ABCC12: variants seen among roughly 807,000 people sequenced by gnomAD.
The protein encoded by ABCC12 is ATP binding cassette subfamily C member 12, also known as ATP-binding cassette sub-family C member 12.
In ABCC12, 142 loss-of-function variants were observed where a neutral mutation model predicts 151.1. The ratio of observed to expected loss-of-function variants is 0.94; its 90% CI spans 0.82 to 1.08. The LOEUF (loss-of-function observed/expected upper bound fraction) is 1.08. ABCC12 is among the 50% of genes least tolerant of loss of function. The probability of loss-of-function intolerance (pLI) is 0.00; values close to 1 mark genes in which losing one functional copy is unlikely to be tolerated. For synonymous variants in ABCC12, 645 were observed against 646.4 expected, an observed-to-expected ratio of 1.00 and a Z score of 0.03; for missense variants, 1,638 against 1,691.1, an observed-to-expected ratio of 0.97 and a Z score of 0.55.
At position 48,088,034 on chromosome 16, in the gene ABCC12, C is replaced by T; in HGVS notation, c.3527G>A (p.Gly1176Asp). 23 of 1,614,180 alleles carry T rather than the reference C, an allele frequency of 1.4e-5. No homozygotes were observed. The highest frequency in any genetic ancestry group is 1.9e-5 in the Non-Finnish European group (23 of 1,180,006). The change falls in exon 27 of 31, where the codon GGC (glycine) becomes GAC (aspartate). Residue 1176 changes from glycine (G) to aspartate (D), a missense_variant. By Grantham distance (94) the Gly-to-Asp change is moderately conservative. Coordinates refer to ENST00000311303, the MANE Select transcript of ABCC12 (RefSeq NM_001393797.1). ...ALFRLVEPAS[G>D]TIFIDEVDIC... The stretch of plus-strand genomic sequence containing the variant: ...ATCCACCTCATCAATAAAGATTGTG[C>T]CACTGGCTGGCTCCACCAGACGAAA...
chr16:48,133,441 G>C (rs1964498259), intron 9 of ABCC12, among the ~76,000 whole-genome samples: 1 of 151,546 alleles, frequency 6.6e-6, no homozygotes, highest in South Asian at 2.1e-4. Context: ...CAGAAGAATT[G>C]CTTGAACCCA....
intron 6 of ABCC12, 128 bp from the exon 7 acceptor site, chr16:48,139,464 G>A (rs1315796573): frequency 2.0e-6 from 2 of 987,452 alleles, no homozygotes; most frequent in African/African-American, 1.6e-5. Flanking sequence ...GCAGGAAGGG[G>A]TCACCGGGGA....
At position 48,084,077 on chromosome 16, in the gene ABCC12, T is replaced by G. The variant is rs374923473; in HGVS notation, c.3829-4A>C. On this transcript the variant is annotated splice_polypyrimidine_tract_variant and splice_region_variant and intron_variant, in intron 29 of 30. Transcript: ENST00000311303. ...TGGCTTCATCAAGGAGAATGATCTG[T>G]GGAGGAGGAAACATTATAAGCCAAA... 1.9e-6 allele frequency: 3 copies of G among 1,603,480 alleles called. No individual in the cohort carries two copies. Among genetic ancestry groups the G allele is most frequent in the Non-Finnish European group, 2.5e-6 (3 of 1,177,574 alleles).
chr16:48,118,396 C>G (rs890548904), intron 13 of ABCC12, among the ~76,000 whole-genome samples: 3 of 152,252 alleles, frequency 2.0e-5, no homozygotes, highest in Admixed American at 2.0e-4. Flanking sequence ...AACTCCTGCT[C>G]AGGATGCCTG....
At chr16:48,103,765 G>A (rs780189865) in intron 22 of ABCC12, among the ~76,000 whole-genome samples, 3 of 152,158 alleles carry the variant, frequency 2.0e-5, no homozygotes, top group East Asian at 1.9e-4. Flanking sequence ...GGGAACCCCC[G>A]CCCCGACACT....
In ABCC12 at chr16:48,143,947, A is replaced by G. The variant is rs764013786; in HGVS notation, c.238T>C (p.Leu80=). 27 of 1,614,064 alleles carry G rather than the reference A, an allele frequency of 1.7e-5. No homozygotes were observed. Among genetic ancestry groups the G allele is most frequent in the Admixed American group, 6.7e-5 (4 of 60,010 alleles). Residue 80 remains leucine, a synonymous_variant, in exon 4 of 31, where the codon TTG becomes CTG. Coordinates refer to ENST00000311303, the MANE Select transcript of ABCC12 (RefSeq NM_001393797.1). ...QRLTVDTLPP[L]STYDSSDTNA... Reference sequence around the variant, plus strand: ...GTGTCAGATGAGTCATATGTCGACAATGGGGGCAGGGTGTCTACGGTCAGC... The same window carrying G: ...GTGTCAGATGAGTCATATGTCGACAGTGGGGGCAGGGTGTCTACGGTCAGC...
intron 22 of ABCC12, among the ~76,000 whole-genome samples, chr16:48,102,063 C>T (rs932939635): frequency 1.3e-5 from 2 of 152,160 alleles, no homozygotes; most frequent in Non-Finnish European, 2.9e-5. Context: ...AAAATGAAAA[C>T]CCCAACTTTC....
intron 15 of ABCC12, 138 bp downstream of exon 15, chr16:48,115,277 T>C: frequency 9.9e-7 from 1 of 1,005,446 alleles, no homozygotes; most frequent in Non-Finnish European, 1.5e-6. Flanking sequence ...GAATCATGAG[T>C]GTCTCTTGCA....
At chr16:48,121,005 A>G (rs1964049115) in intron 13 of ABCC12, among the ~76,000 whole-genome samples, 2 of 152,230 alleles carry the variant, frequency 1.3e-5, no homozygotes, top group African/African-American at 2.4e-5. Context: ...TATATAATAC[A>G]TTAAAATTTA....
intron 18 of ABCC12, 78 bp from the exon 19 acceptor site, chr16:48,108,607 G>T: frequency 1.8e-6 from 2 of 1,124,962 alleles, no homozygotes; most frequent in South Asian, 1.3e-5. Flanking sequence ...CCCCTCCACA[G>T]ACTCCACAAC....
intron 14 of ABCC12, 83 bp downstream of exon 14, chr16:48,117,178 G>A: frequency 7.4e-7 from 1 of 1,345,758 alleles, no homozygotes; most frequent in East Asian, 2.5e-5. Flanking sequence ...TGTGGAACAG[G>A]GGCTTGCTGG....
intron 20 of ABCC12, 150 bp downstream of exon 20, chr16:48,107,172 G>A (rs1225881178): frequency 1.5e-5 from 11 of 750,642 alleles, no homozygotes; most frequent in Non-Finnish European, 2.6e-5. Flanking sequence ...TGGGTCCTGT[G>A]GTGTAAGCAT....
chr16:48,104,781 C>A (rs1468042383), intron 21 of ABCC12, among the ~76,000 whole-genome samples: 1 of 152,218 alleles, frequency 6.6e-6, no homozygotes, highest in Non-Finnish European at 1.5e-5. Flanking sequence ...GCCCTGGCTG[C>A]CACCCACCAC....
intron 27 of ABCC12, 108 bp downstream of exon 27, chr16:48,087,818 A>G: frequency 8.0e-7 from 1 of 1,247,236 alleles, no homozygotes; most frequent in South Asian, 1.5e-5. Flanking sequence ...TGCTTCCCTC[A>G]GACAGAACAG....
chr16:48,088,020 CAATA>C lies in ABCC12; in HGVS notation c.3537_3540del (p.Phe1179LeufsTer18). On this transcript the variant is annotated frameshift_variant, in exon 27 of 31. Transcript: ENST00000311303. LOFTEE classifies it high-confidence loss of function. ...CTGAGAATGCAGATATCCACCTCAT[CAATA>C]AAGATTGTGCCACTGGCTGGCTCCA... 6.2e-7 allele frequency: 1 copy of C among 1,614,214 alleles called. No homozygotes were observed. The highest frequency in any genetic ancestry group is 2.2e-5 in the East Asian group (1 of 44,886).
At position 48,128,441 on chromosome 16, in the gene ABCC12, T is replaced by G. The variant is rs1964310426; in HGVS notation, c.1515+18A>C. 1 of 1,611,814 alleles carries G rather than the reference T, an allele frequency of 6.2e-7. No homozygotes were observed. Among genetic ancestry groups the G allele is most frequent in the Admixed American group, 1.7e-5 (1 of 59,954 alleles). ...AAGGAGGAGGGCTGGAGGCCACACC[T>G]GTGCAACACACACCCACCTTTCTCA... On this transcript the variant is annotated intron_variant, in intron 11 of 30. Transcript: ENST00000311303.
At position 48,126,427 on chromosome 16, in the gene ABCC12, G is replaced by T. The variant is rs183457819; in HGVS notation, c.1515+2032C>A. On this transcript the variant is annotated intron_variant, in intron 11 of 30. Coordinates refer to ENST00000311303, the MANE Select transcript of ABCC12 (RefSeq NM_001393797.1). Reference sequence around the variant, plus strand: ...GACATAACTGTGAACAAAAAACCCTGACCCCATGGAGGATCCAGTCTGATG... The same window carrying T: ...GACATAACTGTGAACAAAAAACCCTTACCCCATGGAGGATCCAGTCTGATG... Among the ~76,000 whole-genome samples the T allele has an allele frequency of 2.6e-5, 4 of 152,238 alleles. 1 individual carries two copies. The highest frequency in any genetic ancestry group is 9.6e-5 in the African/African-American group (4 of 41,544).
At chr16:48,133,224 T>A (rs988149675) in intron 9 of ABCC12, among the ~76,000 whole-genome samples, 1 of 152,160 alleles carries the variant, frequency 6.6e-6, no homozygotes, top group African/African-American at 2.4e-5. Flanking sequence ...AGCATTTGTT[T>A]TTAAAAGTTG....
rs1035353049 is a variant in ABCC12 at position 48,087,796 on chromosome 16, C to G, written c.3635+130G>C. ...CAGGGACCAGCAGTGCTTGTGAGCC[C>G]CCCTGGGATACTGCTTCCCTCAGAC... is the stretch of plus-strand genomic sequence containing the variant. On this transcript the variant is annotated intron_variant, in intron 27 of 30. Transcript: ENST00000311303. 1.2e-5 allele frequency: 12 copies of G among 987,404 alleles called. No individual in the cohort carries two copies. The African/African-American group carries it at 2.0e-4, about 16-fold the overall frequency. 61.2% of individuals were successfully genotyped at this position (987,404 alleles called of 1,614,324 possible). A position where few individuals can be genotyped will look rare whatever the true frequency, so the allele number is the denominator to read the frequency against.
Sources: gnomAD v4.1 joint callset for allele counts (sites outside exome capture counted in the v4.1 genomes callset) on GRCh38, gnomAD v4.1.1 for gene constraint, MANE v1.5 for transcripts, NCBI Gene and HGNC (gene_info 2026-07-23, HGNC 2026-07-21) for gene names.